Variants in EDEM2 observed in about 807,000 individuals in gnomAD.
EDEM2 encodes the protein ER degradation-enhancing alpha-mannosidase-like protein 2.
A neutral mutation model predicts 64.8 loss-of-function variants in EDEM2; 39 were observed. The observed-to-expected ratio is 0.60, with a 90% CI of 0.47 to 0.79. The LOEUF (loss-of-function observed/expected upper bound fraction) is 0.79. Ranked by LOEUF, EDEM2 falls within the 30% of genes least tolerant of loss-of-function variation. The pLI is 0.00. For missense variants in EDEM2, 609 were observed against 731.3 expected (o/e 0.83, Z 1.93); for synonymous variants, 296 against 291.5 (o/e 1.02, Z -0.16).
chr20:35,122,337 A>G (rs2085379601), intron 9 of EDEM2, among the ~76,000 whole-genome samples: 1 of 152,178 alleles, frequency 6.6e-6, no homozygotes, highest in Non-Finnish European at 1.5e-5. Flanking sequence ...GTAACACCAG[A>G]TACGATACCT....
chr20:35,126,399 T>C lies in EDEM2; in HGVS notation c.845-24A>G, dbSNP rs375453323. 1.1e-5 allele frequency: 18 copies of C among 1,612,686 alleles called. No individual in the cohort carries two copies. In the African/African-American group the frequency reaches 1.9e-4, roughly 17 times the overall value. On this transcript the variant is annotated intron_variant, in intron 7 of 10. Coordinates refer to ENST00000374492, the MANE Select transcript of EDEM2 (RefSeq NM_018217.3). ...CTCTGCAGTGGGGGAGATGGGATAA[T>C]GGACATATGAGTGATTAGGGAGAAA...
At chr20:35,116,133 C>A (rs774628538) in intron 10 of EDEM2, among the ~76,000 whole-genome samples, 200 bp from the exon 11 acceptor site, 2 of 152,142 alleles carry the variant, frequency 1.3e-5, no homozygotes, top group Non-Finnish European at 2.9e-5. Context: ...CAAATGGGCT[C>A]CCAGCTTCCA....
intron 9 of EDEM2, among the ~76,000 whole-genome samples, chr20:35,120,518 T>C (rs533784292): frequency 6.6e-6 from 1 of 152,080 alleles, no homozygotes; most frequent in African/African-American, 2.4e-5. Flanking sequence ...GATGAACACA[T>C]TCTGTGTGTT....
intron 6 of EDEM2, among the ~76,000 whole-genome samples, chr20:35,132,632 C>T (rs1045950832): frequency 1.3e-5 from 2 of 150,604 alleles, no homozygotes; most frequent in South Asian, 2.1e-4. Context: ...CCAGCCTGGG[C>T]GACAGGGGGA....
At chr20:35,144,062 C>A (rs184832132) in intron 3 of EDEM2, among the ~76,000 whole-genome samples, 2 of 152,120 alleles carry the variant, frequency 1.3e-5, no homozygotes, top group African/African-American at 4.8e-5. Context: ...CAGACATGTG[C>A]CATCATGCCT....
chr20:35,142,050 T>C (rs985992585), intron 4 of EDEM2, among the ~76,000 whole-genome samples: 1 of 152,152 alleles, frequency 6.6e-6, no homozygotes, highest in African/African-American at 2.4e-5. Flanking sequence ...GGACAGACAA[T>C]AAGTTCCAAG....
intron 9 of EDEM2, among the ~76,000 whole-genome samples, chr20:35,120,733 G>A (rs2085358670): frequency 6.6e-6 from 1 of 151,654 alleles, no homozygotes; most frequent in South Asian, 2.1e-4. Flanking sequence ...GAGTAGCTGG[G>A]ACTACAGGCA....
At chr20:35,135,093 T>C (rs2085558361) in intron 5 of EDEM2, 144 bp from the exon 6 acceptor site, 2 of 822,438 alleles carry the variant, frequency 2.4e-6, no homozygotes, top group Admixed American at 2.5e-5. Flanking sequence ...GAAAGATAAA[T>C]GTCATAACTG....
intron 3 of EDEM2, among the ~76,000 whole-genome samples, chr20:35,143,361 C>T (rs2085684136): frequency 6.6e-6 from 1 of 152,200 alleles, no homozygotes; most frequent in Non-Finnish European, 1.5e-5. Flanking sequence ...CTGCCTTGAA[C>T]TCAGACTCGA....
intron 4 of EDEM2, among the ~76,000 whole-genome samples, chr20:35,139,026 G>A: frequency 6.6e-6 from 1 of 152,100 alleles, no homozygotes; most frequent in East Asian, 1.9e-4. Flanking sequence ...AGGAGACCAA[G>A]GTCAGACCTG....
intron 2 of EDEM2, 53 bp downstream of exon 2, chr20:35,146,772 C>T: frequency 3.8e-6 from 6 of 1,585,704 alleles, no homozygotes; most frequent in Non-Finnish European, 5.2e-6. Context: ...ACCCGCCCGC[C>T]GAGGCCCAGA....
chr20:35,140,292 T>C (rs555675591), intron 4 of EDEM2, among the ~76,000 whole-genome samples: 15 of 152,328 alleles, frequency 9.8e-5, no homozygotes, highest in Admixed American at 6.5e-4. Context: ...GAGACCAGCC[T>C]GGCCAATGTG....
intron 4 of EDEM2, among the ~76,000 whole-genome samples, chr20:35,138,880 G>A (rs1319943403): frequency 1.3e-5 from 2 of 151,860 alleles, no homozygotes; most frequent in South Asian, 2.1e-4. Context: ...CACCGCACCC[G>A]GCCTACTTAG....
intron 3 of EDEM2, among the ~76,000 whole-genome samples, chr20:35,142,888 C>T (rs1246135335): frequency 6.6e-6 from 1 of 151,866 alleles, no homozygotes; most frequent in Non-Finnish European, 1.5e-5. Flanking sequence ...GCCTCAGCCC[C>T]GAGTAGCTGG....
chr20:35,146,713 G>A, intron 2 of EDEM2, 112 bp downstream of exon 2: 1 of 1,165,642 alleles, frequency 8.6e-7, no homozygotes, highest in Non-Finnish European at 1.2e-6. Context: ...GCTCAGCTGG[G>A]AGCTTTCTGG....
At chr20:35,129,949 G>C (rs1283328859) in intron 7 of EDEM2, among the ~76,000 whole-genome samples, 3 of 152,132 alleles carry the variant, frequency 2.0e-5, no homozygotes, top group African/African-American at 7.2e-5. Context: ...TATGATGTTT[G>C]CACAATGATG....
intron 2 of EDEM2, 117 bp downstream of exon 2, chr20:35,146,708 G>C: frequency 8.9e-7 from 1 of 1,119,702 alleles, no homozygotes; most frequent in Non-Finnish European, 1.3e-6. Context: ...CTCTAGCTCA[G>C]CTGGGAGCTT....
chr20:35,121,938 C>T (rs1478700779), intron 9 of EDEM2, among the ~76,000 whole-genome samples: 1 of 152,084 alleles, frequency 6.6e-6, no homozygotes, highest in Non-Finnish European at 1.5e-5. Flanking sequence ...AGGCATGCAA[C>T]ACCACTCTTG....
chr20:35,124,953 A>T (rs1196323112), intron 8 of EDEM2, among the ~76,000 whole-genome samples: 1 of 152,182 alleles, frequency 6.6e-6, no homozygotes, highest in Non-Finnish European at 1.5e-5. Flanking sequence ...GGGTCAAAGG[A>T]TATATGCATT....
Sources: allele counts gnomAD v4.1 joint callset (sites outside exome capture counted in the v4.1 genomes callset), GRCh38; gene constraint gnomAD v4.1.1; transcripts MANE v1.5; gene names NCBI Gene and HGNC (gene_info 2026-07-23, HGNC 2026-07-21).